Variants in SOD2 observed in about 807,000 individuals in gnomAD.
SOD2 encodes the protein superoxide dismutase [Mn], mitochondrial.
Under a neutral mutation model 27.0 loss-of-function variants are expected in SOD2, and 11 were observed. The ratio of observed to expected loss-of-function variants is 0.41; its 90% CI spans 0.26 to 0.67. The LOEUF is 0.67. Among genes scored for constraint, SOD2 ranks in the 30% least tolerant of loss-of-function variants. SOD2 has a pLI of 0.34. For missense variants in SOD2, 250 were observed against 274.5 expected (o/e 0.91, Z 0.63); for synonymous variants, 105 against 103.0 (o/e 1.02, Z -0.12).
chr6:159,728,081 C>T (rs74457504), upstream of SOD2, among the ~76,000 whole-genome samples: 362 of 152,358 alleles, frequency 2.4e-3, 5 homozygotes, highest in African/African-American at 8.5e-3. Flanking sequence ...GCGGCACTAA[C>T]GAGTTCAGCA....
At chr6:159,685,055 AC>A (rs113244083) in intron 3 of SOD2, 22 bp from the exon 4 acceptor site, 1 of 1,564,352 alleles carries the variant, frequency 6.4e-7, no homozygotes, top group Non-Finnish European at 8.7e-7. Flanking sequence ...AAAATCCAAA[AC>A]CACCCACAAA....
At chr6:159,757,083 T>C (rs1780025876) in intron 1 of SOD2, among the ~76,000 whole-genome samples, 1 of 152,188 alleles carries the variant, frequency 6.6e-6, no homozygotes, top group South Asian at 2.1e-4. Context: ...GGAGAAAATG[T>C]TTTTAAGGTG....
upstream of SOD2, chr6:159,727,471 C>T: frequency 1.1e-6 from 1 of 938,470 alleles, no homozygotes; most frequent in Non-Finnish European, 1.2e-6. Flanking sequence ...CGGAGCCGTG[C>T]GGCGGGGCGG....
Position 159,692,559 on chromosome 6 carries a change from G to A in SOD2, c.226+102C>T, listed in dbSNP as rs771875941. 1.5e-5 allele frequency: 24 copies of A among 1,554,722 alleles called. No individual in the cohort carries two copies. The South Asian group carries it at 1.8e-4, about 12-fold the overall frequency. On this transcript the variant is annotated intron_variant, in intron 2 of 4. Coordinates refer to ENST00000538183, the MANE Select transcript of SOD2 (RefSeq NM_000636.4). ...GAAAACTCGGAACCGGTACAAATAC[G>A]AAGCGAGTTCTCCTCCACGGAGAGG...
At chr6:159,752,386 C>G (rs1415573862) in intron 1 of SOD2, among the ~76,000 whole-genome samples, 5 of 151,596 alleles carry the variant, frequency 3.3e-5, no homozygotes, top group Non-Finnish European at 7.4e-5. Flanking sequence ...ATTACAAGAA[C>G]AAGCAAATAA....
intron 1 of SOD2, among the ~76,000 whole-genome samples, chr6:159,699,957 C>G (rs1479889093): frequency 1.3e-5 from 2 of 152,230 alleles, no homozygotes; most frequent in Admixed American, 1.3e-4. Context: ...CCATCTCAGG[C>G]AACTCCCAGG....
At chr6:159,688,012 C>CA in intron 3 of SOD2, 114 bp downstream of exon 3, 2 of 709,342 alleles carry the variant, frequency 2.8e-6, no homozygotes, top group Admixed American at 2.2e-5. Context: ...ACTCTTGTCT[C>CA]AAAAAAACAA....
At chr6:159,721,675 CTTTTTTTTTTTT>C (rs55950207) in intron 1 of SOD2, among the ~76,000 whole-genome samples, 2 of 82,206 alleles carry the variant, frequency 2.4e-5, no homozygotes, top group African/African-American at 1.0e-4. Context: ...TGCGGCTGAC[CTTTTTTTTTTTT>C]TTTTTTTTTT....
intron 1 of SOD2, among the ~76,000 whole-genome samples, chr6:159,701,986 C>T (rs1483212429): frequency 6.6e-6 from 1 of 152,154 alleles, no homozygotes. Context: ...AGAACAAGAA[C>T]AAAATCTCCC....
chr6:159,736,578 T>A (rs983163989), intron 1 of SOD2: 2 of 284,400 alleles, frequency 7.0e-6, no homozygotes, highest in Admixed American at 9.4e-5. Context: ...TTTCCAGGTC[T>A]ACTCTTAATG....
intron 1 of SOD2, among the ~76,000 whole-genome samples, chr6:159,757,124 A>G (rs759568331): frequency 6.6e-6 from 1 of 152,246 alleles, no homozygotes; most frequent in African/African-American, 2.4e-5. Flanking sequence ...CCATTTTCTC[A>G]GAGGTAATTA....
chr6:159,706,459 A>G (rs1222052678), intron 1 of SOD2, among the ~76,000 whole-genome samples: 1 of 152,286 alleles, frequency 6.6e-6, no homozygotes, highest in South Asian at 2.1e-4. Flanking sequence ...AAAGGCAGGC[A>G]TTGCAATCCT....
At chr6:159,717,301 G>C (rs1777938414) in intron 1 of SOD2, among the ~76,000 whole-genome samples, 1 of 152,112 alleles carries the variant, frequency 6.6e-6, no homozygotes, top group East Asian at 1.9e-4. Context: ...TAGAATTAGA[G>C]ACAGGGTCTC....
At position 159,669,232 on chromosome 6, in the gene SOD2, T is replaced by C. The variant is rs1395994389; in HGVS notation, c.*13261A>G. On this transcript the variant is annotated 3_prime_UTR_variant, in exon 5 of 5. Coordinates refer to ENST00000538183, the MANE Select transcript of SOD2 (RefSeq NM_000636.4). ...CAGGAAGTGGGTTCCAGAACTAGTCTGGTGAATGTTCCATGTGCTGATGAA... is the reference window on the plus strand; with the variant it reads ...CAGGAAGTGGGTTCCAGAACTAGTCCGGTGAATGTTCCATGTGCTGATGAA... 1 of 152,220 alleles carries C rather than the reference T, an allele frequency of 6.6e-6. No individual in the cohort carries two copies. Among genetic ancestry groups the C allele is most frequent in the Non-Finnish European group, 1.5e-5 (1 of 68,044 alleles). 9.4% of individuals were successfully genotyped at this position (152,220 alleles called of 1,614,324 possible).
At chr6:159,705,144 A>G (rs1777598218) in intron 1 of SOD2, among the ~76,000 whole-genome samples, 1 of 152,238 alleles carries the variant, frequency 6.6e-6, no homozygotes. Flanking sequence ...CAAAGAACAA[A>G]GGTAGATAAA....
upstream of SOD2, chr6:159,748,995 AT>A: frequency 9.7e-7 from 1 of 1,027,652 alleles, no homozygotes; most frequent in African/African-American, 1.7e-5. This position sits in a 1 kb window ranked among gnomAD's most constrained non-coding sequence, Gnocchi z 5.6. Flanking sequence ...TCATGAGAGA[AT>A]CAAATAATAG....
At chr6:159,725,577 C>T (rs1225762183) in intron 1 of SOD2, 1 of 150,712 alleles carries the variant, frequency 6.6e-6, no homozygotes, top group East Asian at 1.9e-4. Flanking sequence ...TGCTTTCAAC[C>T]TTAGGATTTA....
chr6:159,695,689 T>A (rs1310308268), upstream of SOD2, among the ~76,000 whole-genome samples: 1 of 151,648 alleles, frequency 6.6e-6, no homozygotes, highest in African/African-American at 2.4e-5. Flanking sequence ...AGAAACAGAG[T>A]TTCTTCATGT....
At chr6:159,721,876 G>A (rs1037812215) in intron 1 of SOD2, among the ~76,000 whole-genome samples, 1 of 151,874 alleles carries the variant, frequency 6.6e-6, no homozygotes, top group African/African-American at 2.4e-5. Context: ...TACTTTGATG[G>A]CATTTCCCAG....
Sources: allele counts gnomAD v4.1 joint callset (sites outside exome capture counted in the v4.1 genomes callset), GRCh38; gene constraint gnomAD v4.1.1; non-coding constraint Gnocchi (gnomAD v3.1); transcripts MANE v1.5; gene names NCBI Gene and HGNC (gene_info 2026-07-23, HGNC 2026-07-21).